The following CTNNA2 variants were observed in gnomAD, a reference collection of about 807,000 sequenced individuals.
CTNNA2 encodes catenin alpha-2.
Under a neutral mutation model 101.0 loss-of-function variants are expected in CTNNA2, and 42 were observed. The ratio of observed to expected loss-of-function variants is 0.42; its 90% CI spans 0.32 to 0.54. CTNNA2 has a LOEUF of 0.54. Ranked by LOEUF, CTNNA2 falls within the 20% of genes least tolerant of loss-of-function variation. The pLI is 0.14. For missense variants in CTNNA2, 871 were observed against 1,223.1 expected, an observed-to-expected ratio of 0.71 and a Z score of 4.29; for synonymous variants, 450 against 456.4, an observed-to-expected ratio of 0.99 and a Z score of 0.18.
intron 7 of CTNNA2, among the ~76,000 whole-genome samples, chr2:80,390,999 G>A (rs988906842): frequency 6.6e-6 from 1 of 151,890 alleles, no homozygotes; most frequent in Non-Finnish European, 1.5e-5. Context: ...GGACATGGTG[G>A]CACATGTCTG....
At chr2:79,993,721 A>G (rs1349958567) in intron 7 of CTNNA2, among the ~76,000 whole-genome samples, 1 of 152,102 alleles carries the variant, frequency 6.6e-6, no homozygotes, top group African/African-American at 2.4e-5. Flanking sequence ...AGGGTCTGAG[A>G]GTAGAAATGC....
intron 9 of CTNNA2, among the ~76,000 whole-genome samples, chr2:80,537,793 A>G (rs951879318): frequency 6.6e-6 from 1 of 151,840 alleles, no homozygotes; most frequent in African/African-American, 2.4e-5. Flanking sequence ...GGGTTTCTCC[A>G]TGTTGGTCAG....
chr2:79,981,478 A>G (rs572062477), intron 7 of CTNNA2, among the ~76,000 whole-genome samples: 1 of 152,156 alleles, frequency 6.6e-6, no homozygotes, highest in South Asian at 2.1e-4. Context: ...CAGCTATTTT[A>G]TTTGTTCACT....
intron 1 of CTNNA2, among the ~76,000 whole-genome samples, chr2:79,610,560 A>G (rs1015921842): frequency 6.6e-6 from 1 of 152,220 alleles, no homozygotes; most frequent in Non-Finnish European, 1.5e-5. Context: ...AAGGACCTGG[A>G]TGACTCTCAA....
chr2:79,934,039 G>T (rs1687626075), intron 7 of CTNNA2, among the ~76,000 whole-genome samples: 1 of 152,166 alleles, frequency 6.6e-6, no homozygotes, highest in African/African-American at 2.4e-5. Flanking sequence ...TCGGCACTAA[G>T]CTGTAACTAT....
At chr2:80,240,094 T>A (rs1485337370) in intron 7 of CTNNA2, among the ~76,000 whole-genome samples, 1 of 152,188 alleles carries the variant, frequency 6.6e-6, no homozygotes, top group Non-Finnish European at 1.5e-5. Flanking sequence ...CATATGGGCA[T>A]CCTACATACC....
intron 1 of CTNNA2, among the ~76,000 whole-genome samples, chr2:79,581,306 G>A (rs1325323229): frequency 6.6e-6 from 1 of 152,138 alleles, no homozygotes; most frequent in Non-Finnish European, 1.5e-5. Context: ...CAGGTGGACT[G>A]CTTGAGGTCA....
intron 2 of CTNNA2, among the ~76,000 whole-genome samples, chr2:79,286,808 C>T (rs966708073): frequency 6.6e-6 from 1 of 152,024 alleles, no homozygotes; most frequent in Non-Finnish European, 1.5e-5. Context: ...GCCTGCCTTG[C>T]TAGATTGGGG....
intron 4 of CTNNA2, among the ~76,000 whole-genome samples, chr2:79,439,078 A>C (rs910389654): frequency 6.6e-6 from 1 of 152,198 alleles, no homozygotes; most frequent in African/African-American, 2.4e-5. Flanking sequence ...GCTATAAACA[A>C]GAGAATTAAA....
At chr2:79,396,880 T>C (rs913968166) in intron 4 of CTNNA2, among the ~76,000 whole-genome samples, 1 of 152,184 alleles carries the variant, frequency 6.6e-6, no homozygotes, top group African/African-American at 2.4e-5. Context: ...AGAATCCCTG[T>C]GGATTACCTC....
In CTNNA2 at chr2:80,647,656, A is replaced by G. The variant is rs550152402; in HGVS notation, c.2646A>G (p.Ala882=). 5 of 1,613,422 alleles carry G rather than the reference A, an allele frequency of 3.1e-6. No homozygotes were observed. The African/African-American group carries it at 6.7e-5, about 22-fold the overall frequency. Residue 882 remains alanine (A), a synonymous_variant, in exon 19 of 19, where the codon GCA becomes GCG. Transcript: ENST00000402739. ...ATGCTGTTGTCCTCACGGTGAAAGC[A>G]TCCTATGTGGCCTCAACCAAATACC... ...LMNAVVLTVK[A]SYVASTKYQK... is the part of the protein sequence containing the mutation.
At chr2:79,606,483 T>C (rs1677901331) in intron 1 of CTNNA2, among the ~76,000 whole-genome samples, 1 of 152,066 alleles carries the variant, frequency 6.6e-6, no homozygotes. Flanking sequence ...TTAGCCAAGA[T>C]GGTCTCCACC....
intron 3 of CTNNA2, among the ~76,000 whole-genome samples, chr2:79,326,314 A>AG (rs1223639950): frequency 7.0e-6 from 1 of 143,774 alleles, no homozygotes; most frequent in Admixed American, 7.0e-5. Context: ...AAAAAAAAAA[A>AG]CCAGACATCT....
intron 7 of CTNNA2, among the ~76,000 whole-genome samples, chr2:80,293,630 A>G (rs1212461296): frequency 6.6e-6 from 1 of 152,146 alleles, no homozygotes; most frequent in African/African-American, 2.4e-5. Context: ...TTCCAGCATT[A>G]GAGTGATTTC....
chr2:80,039,310 C>A (rs1695878710), intron 7 of CTNNA2, among the ~76,000 whole-genome samples: 1 of 152,116 alleles, frequency 6.6e-6, no homozygotes, highest in South Asian at 2.1e-4. Context: ...ACTGGAGCAG[C>A]CACAAGGCTG....
intron 3 of CTNNA2, among the ~76,000 whole-genome samples, chr2:79,338,643 C>CTTCTTCTTCTTCTTCT (rs1558634030): frequency 2.8e-5 from 4 of 145,436 alleles, no homozygotes; most frequent in Non-Finnish European, 3.0e-5. Flanking sequence ...TCTTCTTCTT[C>CTTCTTCTTCTTCTTCT]AAAGATTCCT....
chr2:79,483,063 A>C (rs961010104), intron 4 of CTNNA2, among the ~76,000 whole-genome samples: 1 of 152,356 alleles, frequency 6.6e-6, no homozygotes, highest in Non-Finnish European at 1.5e-5. Flanking sequence ...CTTGTAAGAC[A>C]AAAGTTTACT....
intron 3 of CTNNA2, among the ~76,000 whole-genome samples, chr2:79,786,347 A>G (rs2105227166): frequency 6.6e-6 from 1 of 152,252 alleles, no homozygotes; most frequent in Admixed American, 6.5e-5. Flanking sequence ...TAAATTTTCC[A>G]ATAGAAAATG....
At chr2:80,256,160 G>C (rs543420390) in intron 7 of CTNNA2, among the ~76,000 whole-genome samples, 3 of 152,082 alleles carry the variant, frequency 2.0e-5, no homozygotes, top group African/African-American at 7.2e-5. Context: ...AGGGAATGCA[G>C]CATCTTCAGA....
Sources: gnomAD v4.1 joint callset for allele counts (sites outside exome capture counted in the v4.1 genomes callset) on GRCh38, gnomAD v4.1.1 for gene constraint, MANE v1.5 for transcripts, NCBI Gene and HGNC (gene_info 2026-07-23, HGNC 2026-07-21) for gene names.